ADAMTS3: variants seen among roughly 807,000 people sequenced by gnomAD.
The protein encoded by ADAMTS3 is ADAM metallopeptidase with thrombospondin type 1 motif 3.
In ADAMTS3, 73 loss-of-function variants were observed where a neutral mutation model predicts 129.0. The ratio of observed to expected loss-of-function variants is 0.57; its 90% CI spans 0.47 to 0.69. The LOEUF is 0.69. Ranked by LOEUF, ADAMTS3 falls within the 30% of genes least tolerant of loss-of-function variation. ADAMTS3 has a pLI of 0.00. For synonymous variants in ADAMTS3, 477 were observed against 510.8 expected (o/e 0.93, Z 0.89); for missense variants, 1,457 against 1,514.5 (o/e 0.96, Z 0.63).
intron 3 of ADAMTS3, among the ~76,000 whole-genome samples, chr4:72,533,677 A>ATATATACATATATATGTCTT (rs1721111435): frequency 3.5e-5 from 1 of 28,968 alleles, no homozygotes; most frequent in African/African-American, 2.0e-4. Context: ...ATGCACATAT[A>ATATATACATATATATGTCTT]TGCACACATG....
intron 3 of ADAMTS3, among the ~76,000 whole-genome samples, chr4:72,478,070 A>G (rs1231456827): frequency 6.6e-6 from 1 of 152,204 alleles, no homozygotes; most frequent in Non-Finnish European, 1.5e-5. Context: ...AACCAAAAAG[A>G]GTCCAGGACC....
intron 4 of ADAMTS3, among the ~76,000 whole-genome samples, chr4:72,411,512 T>C (rs758499322): frequency 3.2e-4 from 48 of 151,990 alleles, no homozygotes; most frequent in Non-Finnish European, 6.0e-4. Flanking sequence ...AATGACAGAG[T>C]AGAAGGCAAG....
intron 3 of ADAMTS3, among the ~76,000 whole-genome samples, chr4:72,518,230 A>T (rs1352394431): frequency 6.6e-6 from 1 of 151,900 alleles, no homozygotes; most frequent in Non-Finnish European, 1.5e-5. Context: ...GTTCTTTTAC[A>T]TTTGCTGAGG....
At chr4:72,396,483 C>A (rs890391231) in intron 4 of ADAMTS3, among the ~76,000 whole-genome samples, 1 of 151,842 alleles carries the variant, frequency 6.6e-6, no homozygotes, top group Non-Finnish European at 1.5e-5. Flanking sequence ...AATGATGACA[C>A]CCACACTGGA....
intron 4 of ADAMTS3, among the ~76,000 whole-genome samples, chr4:72,352,300 G>A (rs1262658605): frequency 6.6e-6 from 1 of 151,982 alleles, no homozygotes; most frequent in Non-Finnish European, 1.5e-5. Flanking sequence ...GGGAAATCCA[G>A]TCTACAGGAA....
At chr4:72,470,952 T>A (rs1719057863) in intron 3 of ADAMTS3, among the ~76,000 whole-genome samples, 2 of 152,156 alleles carry the variant, frequency 1.3e-5, no homozygotes, top group South Asian at 4.1e-4. Flanking sequence ...ATATACCACT[T>A]CTATCGCATA....
At position 72,280,996 on chromosome 4, in the gene ADAMTS3, C is replaced by G. The variant is rs547864061; in HGVS notation, c.*2140G>C. 2 of 152,522 alleles carry G rather than the reference C, an allele frequency of 1.3e-5. No individual in the cohort carries two copies. Among genetic ancestry groups the G allele is most frequent in the African/African-American group, 4.8e-5 (2 of 41,436 alleles). The allele number at this position is 152,522 out of a possible 1,614,324, so 9.4% of individuals were successfully genotyped here. A position where few individuals can be genotyped will look rare whatever the true frequency, so the allele number is the denominator to read the frequency against. ...TATTTTGTTAACATTTTTATTGGTA[C>G]GTGCTCTCAGTACAACAAACAGCAT... On this transcript the variant is annotated 3_prime_UTR_variant, in exon 22 of 22. Coordinates refer to ENST00000286657, the MANE Select transcript of ADAMTS3 (RefSeq NM_014243.3).
intron 4 of ADAMTS3, among the ~76,000 whole-genome samples, chr4:72,374,888 C>A (rs917183199): frequency 1.3e-5 from 2 of 152,180 alleles, no homozygotes; most frequent in Non-Finnish European, 2.9e-5. Flanking sequence ...GCAACTACCA[C>A]CTTTAAATGA....
chr4:72,541,008 T>C (rs763913590), intron 3 of ADAMTS3, among the ~76,000 whole-genome samples: 11 of 152,082 alleles, frequency 7.2e-5, no homozygotes, highest in Non-Finnish European at 1.5e-4. Context: ...AGGGCCACCA[T>C]CCTCCAGACC....
intron 4 of ADAMTS3, among the ~76,000 whole-genome samples, chr4:72,411,783 A>T (rs183765206): frequency 1.3e-5 from 2 of 152,238 alleles, no homozygotes; most frequent in East Asian, 3.9e-4. Context: ...AATTCTGGAA[A>T]GAGAATTCTC....
chr4:72,432,359 C>T (rs1722722112), intron 3 of ADAMTS3, among the ~76,000 whole-genome samples: 1 of 151,888 alleles, frequency 6.6e-6, no homozygotes, highest in African/African-American at 2.4e-5. Context: ...CCGGTATCTG[C>T]TCCCCTCCGA....
intron 4 of ADAMTS3, among the ~76,000 whole-genome samples, chr4:72,408,762 T>TA (rs1260413261): frequency 2.0e-5 from 3 of 148,352 alleles, no homozygotes; most frequent in Non-Finnish European, 3.0e-5. Flanking sequence ...TATGCAGCCA[T>TA]AAAAAAGGAT....
At chr4:72,567,318 C>T in intron 2 of ADAMTS3, 56 bp downstream of exon 2, 1 of 1,569,396 alleles carries the variant, frequency 6.4e-7, no homozygotes, top group South Asian at 1.1e-5. Flanking sequence ...GCTTAGCTCA[C>T]TTCATTCCCT....
chr4:72,551,407 T>C (rs1471449585), intron 2 of ADAMTS3, among the ~76,000 whole-genome samples: 1 of 152,170 alleles, frequency 6.6e-6, no homozygotes, highest in Non-Finnish European at 1.5e-5. Context: ...ATTCAAAATA[T>C]GAATGGTATG....
chr4:72,319,583 G>A (rs745447596), intron 8 of ADAMTS3, 108 bp from the exon 9 acceptor site: 20 of 1,341,584 alleles, frequency 1.5e-5, no homozygotes, highest in East Asian at 7.3e-5. Context: ...AGTCAACGTG[G>A]CTTTCTTGAA....
intron 4 of ADAMTS3, among the ~76,000 whole-genome samples, chr4:72,370,888 A>G (rs947611530): frequency 7.2e-5 from 11 of 152,218 alleles, no homozygotes; most frequent in Non-Finnish European, 1.6e-4. Flanking sequence ...AGTACCTGTA[A>G]TGGTAATGTT....
intron 3 of ADAMTS3, among the ~76,000 whole-genome samples, chr4:72,507,407 G>C (rs1027139661): frequency 1.1e-4 from 16 of 151,858 alleles, no homozygotes; most frequent in African/African-American, 3.1e-4. Context: ...TCTAGATAAG[G>C]GCCATACGAA....
intron 2 of ADAMTS3, among the ~76,000 whole-genome samples, chr4:72,553,815 A>G (rs1053675401): frequency 6.6e-6 from 1 of 152,212 alleles, no homozygotes; most frequent in African/African-American, 2.4e-5. Flanking sequence ...GAGTATTAGT[A>G]GCCAGTGCAC....
intron 5 of ADAMTS3, among the ~76,000 whole-genome samples, chr4:72,326,102 C>T (rs1272262069): frequency 6.6e-6 from 1 of 152,062 alleles, no homozygotes; most frequent in Non-Finnish European, 1.5e-5. Context: ...AACAGGGTGA[C>T]CCAGTAGAAA....
Sources: allele counts gnomAD v4.1 joint callset (sites outside exome capture counted in the v4.1 genomes callset), GRCh38; gene constraint gnomAD v4.1.1; transcripts MANE v1.5; gene names NCBI Gene and HGNC (gene_info 2026-07-23, HGNC 2026-07-21).